The following CTR9 variants were observed in gnomAD, a reference collection of about 807,000 sequenced individuals.
CTR9 encodes RNA polymerase-associated protein CTR9 homolog.
A neutral mutation model predicts 152.1 loss-of-function variants in CTR9; 41 were observed. That is an observed-to-expected ratio of 0.27 (90% CI 0.21 to 0.35). The LOEUF (loss-of-function observed/expected upper bound fraction) is 0.35. Among genes scored for constraint, CTR9 ranks in the 10% least tolerant of loss-of-function variants. The probability of loss-of-function intolerance (pLI) is 1.00; values close to 1 mark genes in which losing one functional copy is unlikely to be tolerated. For missense variants in CTR9, 917 were observed against 1,424.4 expected (o/e 0.64, Z 5.73); for synonymous variants, 476 against 496.2 (o/e 0.96, Z 0.54).
chr11:10,773,497 A>G (rs1863176826), intron 21 of CTR9, among the ~76,000 whole-genome samples: 1 of 152,166 alleles, frequency 6.6e-6, no homozygotes, highest in Admixed American at 6.5e-5. Context: ...TCTTTTAAAT[A>G]GTTGATTTTT....
intron 24 of CTR9, among the ~76,000 whole-genome samples, chr11:10,777,981 G>A (rs1863268704): frequency 6.6e-6 from 1 of 152,172 alleles, no homozygotes; most frequent in Non-Finnish European, 1.5e-5. Context: ...AGACTCTGAG[G>A]GTGCTGCCAC....
In CTR9 at chr11:10,755,125, C is replaced by G. The variant is rs1182491718; in HGVS notation, c.312C>G (p.Asp104Glu). ...AGGCTCGGAAAGAAAAGAATAAGGA[C>G]AATAAAAAGGATCTTATTACACAGG... ...VQQARKEKNKDNKKDLITQAT... is the reference protein window; with the variant it reads ...VQQARKEKNKENKKDLITQAT... The change falls in exon 3 of 25, where the codon GAC (aspartate) becomes GAG (glutamate). Residue 104 changes from aspartate to glutamate, a missense_variant. By Grantham distance (45) the Asp-to-Glu change is conservative. Coordinates refer to ENST00000361367, the MANE Select transcript of CTR9 (RefSeq NM_014633.5). 1 of 1,613,694 alleles carries G rather than the reference C, an allele frequency of 6.2e-7. No individual in the cohort carries two copies. Among genetic ancestry groups the G allele is most frequent in the East Asian group, 2.2e-5 (1 of 44,860 alleles).
intron 10 of CTR9, 29 bp downstream of exon 10, chr11:10,764,230 A>G: frequency 6.2e-7 from 1 of 1,613,222 alleles, no homozygotes; most frequent in Non-Finnish European, 8.5e-7. Context: ...TTAATCTCTC[A>G]TATGATGTGT....
At chr11:10,766,297 T>C (rs1020882018) in intron 12 of CTR9, 105 bp from the exon 13 acceptor site, 1 of 788,816 alleles carries the variant, frequency 1.3e-6, no homozygotes, top group Non-Finnish European at 2.1e-6. Context: ...CTGTTCCTTT[T>C]ATGGCGGTAT....
chr11:10,772,481 T>A lies in CTR9; in HGVS notation c.2445-39T>A, dbSNP rs1172427950. ...AGATGTGCTGAGTTTTTTAATATAG[T>A]AGTTACATTCATGTTTCTCTAAACC... On this transcript the variant is annotated intron_variant, in intron 19 of 24. Transcript: ENST00000361367. The A allele has an allele frequency of 2.9e-6, 4 of 1,372,484 alleles. No individual in the cohort carries two copies. In the African/African-American group the frequency reaches 5.9e-5, roughly 20 times the overall value. The allele number at this position is 1,372,484 out of a possible 1,614,324, so 85.0% of individuals were successfully genotyped here. A position where few individuals can be genotyped will look rare whatever the true frequency, so the allele number is the denominator to read the frequency against.
In CTR9 at chr11:10,755,005, G is replaced by A; in HGVS notation, c.192G>A (p.Leu64=). 6.2e-7 allele frequency: 1 copy of A among 1,613,908 alleles called. No individual in the cohort carries two copies. The highest frequency in any genetic ancestry group is 8.5e-7 in the Non-Finnish European group (1 of 1,179,932). Residue 64 remains leucine (L), a synonymous_variant, in exon 3 of 25, where the codon TTG becomes TTA. Coordinates refer to ENST00000361367, the MANE Select transcript of CTR9 (RefSeq NM_014633.5). Reference sequence around the variant, plus strand: ...AAACAGAAGAGTTTGTAAAATTGTTGGAAGCAGCACGTATAGATGGCAATT... The same window carrying A: ...AAACAGAAGAGTTTGTAAAATTGTTAGAAGCAGCACGTATAGATGGCAATT... The part of the protein sequence containing the change: ...QGKTEEFVKL[L]EAARIDGNLD...
At chr11:10,764,464 T>C in intron 11 of CTR9, 28 bp downstream of exon 11, 1 of 1,565,610 alleles carries the variant, frequency 6.4e-7, no homozygotes, top group East Asian at 2.4e-5. Flanking sequence ...TTTCCTTCTT[T>C]TATACTGAAT....
chr11:10,766,425 G>T lies in CTR9; in HGVS notation c.1621G>T (p.Ala541Ser), dbSNP rs2135373022. Residue 541 changes from alanine (A) to serine (S), a missense_variant, in exon 13 of 25, where the codon GCT (alanine) becomes TCT (serine). By Grantham distance (99) the Ala-to-Ser change is moderately conservative. Transcript: ENST00000361367. ...AGGCTATTTGCGCCTAGGAGCCATG[G>T]CTAGAGATAAGGGAAACTTTTATGA... Reference protein sequence around the residue: ...VDCYLRLGAMARDKGNFYEAS... With the variant: ...VDCYLRLGAMSRDKGNFYEAS... 1 of 1,611,046 alleles carries T rather than the reference G, an allele frequency of 6.2e-7. No homozygotes were observed. The highest frequency in any genetic ancestry group is 2.2e-5 in the East Asian group (1 of 44,764).
At chr11:10,752,561 T>C in intron 1 of CTR9, 111 bp from the exon 2 acceptor site, 2 of 725,350 alleles carry the variant, frequency 2.8e-6, no homozygotes, top group East Asian at 5.1e-5. Context: ...GTATTGAAAG[T>C]GAACACGTAC....
At chr11:10,758,130 G>A (rs1055607990) in intron 5 of CTR9, among the ~76,000 whole-genome samples, 9 of 152,184 alleles carry the variant, frequency 5.9e-5, no homozygotes, top group Admixed American at 4.6e-4. Context: ...ACCAGGGACT[G>A]ACTAATCACG....
chr11:10,764,379 G>A lies in CTR9; in HGVS notation c.1356G>A (p.Glu452=), dbSNP rs1322670940. The A allele has an allele frequency of 6.2e-7, 1 of 1,614,098 alleles. No individual in the cohort carries two copies. Among genetic ancestry groups the A allele is most frequent in the South Asian group, 1.1e-5 (1 of 91,078 alleles). ...AAGTGCAGGCCGATGTTCCTCCAGA[G>A]ATTCTCAATAATGTGGGTGCCCTCC... is the stretch of plus-strand genomic sequence containing the variant. ...QEKVQADVPP[E]ILNNVGALHF... Residue 452 remains glutamate (E), a synonymous_variant, in exon 11 of 25, where the codon GAG becomes GAA. Coordinates refer to ENST00000361367, the MANE Select transcript of CTR9 (RefSeq NM_014633.5).
intron 20 of CTR9, among the ~76,000 whole-genome samples, chr11:10,772,888 G>A (rs1251155431): frequency 6.6e-6 from 1 of 151,930 alleles, no homozygotes; most frequent in East Asian, 1.9e-4. Context: ...TTAGCCAGGA[G>A]TGGTGGCATG....
At position 10,773,330 on chromosome 11, in the gene CTR9, G is replaced by T; in HGVS notation, c.2727+57G>T. On this transcript the variant is annotated intron_variant, in intron 21 of 24. Transcript: ENST00000361367. ...CTCATTCTCTGTCTTTTGGCTTTGAGAAATGAGGATAATTGGTTAAATTCC... is the reference window on the plus strand; with the variant it reads ...CTCATTCTCTGTCTTTTGGCTTTGATAAATGAGGATAATTGGTTAAATTCC... 15 of 1,581,704 alleles carry T rather than the reference G, an allele frequency of 9.5e-6. No homozygotes were observed. The South Asian group carries it at 1.5e-4, about 16-fold the overall frequency.
At chr11:10,751,524 C>T in intron 1 of CTR9, 67 bp downstream of exon 1, 5 of 1,501,360 alleles carry the variant, frequency 3.3e-6, no homozygotes, top group Admixed American at 1.7e-5. Context: ...CGACTTCGCT[C>T]GACTTCGTTT....
intron 24 of CTR9, 66 bp downstream of exon 24, chr11:10,775,699 G>T: frequency 9.4e-7 from 1 of 1,061,608 alleles, no homozygotes; most frequent in Non-Finnish European, 1.4e-6. Context: ...TTACTAATCA[G>T]CCTGTCTGTA....
At chr11:10,768,021 CTG>C (rs750041263) in intron 14 of CTR9, 30 bp downstream of exon 14, 4 of 1,613,326 alleles carry the variant, frequency 2.5e-6, no homozygotes, top group South Asian at 2.2e-5. Context: ...TTAAACAAAA[CTG>C]ATACTCTACA....
In CTR9 at chr11:10,763,844, G is replaced by A. The variant is rs779466959; in HGVS notation, c.1159G>A (p.Ala387Thr). The A allele has an allele frequency of 6.2e-7, 1 of 1,609,236 alleles. No individual in the cohort carries two copies. The highest frequency in any genetic ancestry group is 8.5e-7 in the Non-Finnish European group (1 of 1,178,810). The stretch of plus-strand genomic sequence containing the variant: ...GAAAATTCTCGGCTCTCTCTATGCT[G>A]CCTCAGAAGATCAAGAAAAACGAGA... Reference protein sequence around the residue: ...TMKILGSLYAASEDQEKRDIA... With the variant: ...TMKILGSLYATSEDQEKRDIA... The change falls in exon 9 of 25, where the codon GCC (alanine) becomes ACC (threonine). Residue 387 changes from alanine to threonine, a missense_variant. This residue lies in a region of CTR9 where 133 missense variants were observed against 244.1 expected (regional missense o/e 0.54). Transcript: ENST00000361367.
At chr11:10,755,246 A>G (rs202198818) in intron 3 of CTR9, 49 bp downstream of exon 3, 5 of 1,565,430 alleles carry the variant, frequency 3.2e-6, no homozygotes, top group Non-Finnish European at 4.3e-6. Context: ...AGAAAAGCAC[A>G]TGAAAGCAAA....
At chr11:10,751,553 C>G in intron 1 of CTR9, 96 bp downstream of exon 1, 3 of 1,210,772 alleles carry the variant, frequency 2.5e-6, no homozygotes, top group Non-Finnish European at 3.6e-6. Context: ...AGAGCATCCT[C>G]CTTCCCTAAG....
Sources: allele counts gnomAD v4.1 joint callset (sites outside exome capture counted in the v4.1 genomes callset), GRCh38; gene constraint gnomAD v4.1.1; regional missense constraint gnomAD v4.1.1; transcripts MANE v1.5; gene names NCBI Gene and HGNC (gene_info 2026-07-23, HGNC 2026-07-21).